Variants in PGCKA1 observed in about 807,000 individuals in gnomAD.
PGCKA1 encodes PDCD10 and GCKIII kinases-associated protein 1.
At chr4:37,590,304 G>A in the PGCKA1 span, 34 of 1,613,664 alleles carry the variant, frequency 2.1e-5, no homozygotes, top group African/African-American at 1.6e-4. Context: ...ACCAAGGGCC[G>A]CTCCCACAGG....
the PGCKA1 span, among the ~76,000 whole-genome samples, chr4:37,458,894 A>G: frequency 6.6e-5 from 10 of 152,200 alleles, no homozygotes; most frequent in African/African-American, 1.9e-4. Flanking sequence ...TAACTTGTCT[A>G]ACTTAATTCT....
the PGCKA1 span, among the ~76,000 whole-genome samples, chr4:37,547,616 G>T: frequency 6.6e-6 from 1 of 152,158 alleles, no homozygotes; most frequent in South Asian, 2.1e-4. Context: ...TTGTTTCAAA[G>T]GTATGACCCA....
the PGCKA1 span, among the ~76,000 whole-genome samples, chr4:37,464,633 C>T: frequency 6.6e-6 from 1 of 152,176 alleles, no homozygotes. Flanking sequence ...TCTCCTGGCT[C>T]CCCTCGTCTT....
chr4:37,481,610 G>A, the PGCKA1 span, among the ~76,000 whole-genome samples: 1 of 151,482 alleles, frequency 6.6e-6, no homozygotes, highest in South Asian at 2.1e-4. Context: ...CCCTCATACT[G>A]TGTGTTGTCT....
At chr4:37,567,907 G>A in the PGCKA1 span, among the ~76,000 whole-genome samples, 3 of 152,018 alleles carry the variant, frequency 2.0e-5, no homozygotes, top group African/African-American at 7.3e-5. Flanking sequence ...CACATGAAAT[G>A]TTTTTCAATC....
the PGCKA1 span, among the ~76,000 whole-genome samples, chr4:37,455,180 T>C: frequency 2.0e-5 from 3 of 152,188 alleles, no homozygotes; most frequent in Non-Finnish European, 4.4e-5. Flanking sequence ...AGAGTCTATA[T>C]TTGTTGCCTA....
the PGCKA1 span, among the ~76,000 whole-genome samples, chr4:37,555,967 C>T: frequency 1.3e-5 from 2 of 152,172 alleles, no homozygotes; most frequent in Non-Finnish European, 1.5e-5. Context: ...ATTTACTGCT[C>T]CCATCAGGCT....
At chr4:37,586,770 C>T in the PGCKA1 span, among the ~76,000 whole-genome samples, 70 of 152,134 alleles carry the variant, frequency 4.6e-4, no homozygotes, top group Admixed American at 1.1e-3. Flanking sequence ...GTTAGCTGGG[C>T]GTGTTGGCAG....
chr4:37,463,927 A>G, the PGCKA1 span, among the ~76,000 whole-genome samples: 2 of 152,172 alleles, frequency 1.3e-5, no homozygotes, highest in Non-Finnish European at 2.9e-5. Context: ...GCTAACAAAT[A>G]CAAACTCAAG....
At chr4:37,469,980 T>TA in the PGCKA1 span, among the ~76,000 whole-genome samples, 7 of 152,230 alleles carry the variant, frequency 4.6e-5, no homozygotes, top group Non-Finnish European at 1.0e-4. Context: ...CTTTGGGAGA[T>TA]ACAGTTTGTA....
At chr4:37,503,952 T>G in the PGCKA1 span, among the ~76,000 whole-genome samples, 1 of 152,234 alleles carries the variant, frequency 6.6e-6, no homozygotes, top group Non-Finnish European at 1.5e-5. Flanking sequence ...AAAAGCTTTT[T>G]AACTTAATGT....
chr4:37,542,372 A>G, the PGCKA1 span, among the ~76,000 whole-genome samples: 1 of 152,202 alleles, frequency 6.6e-6, no homozygotes, highest in African/African-American at 2.4e-5. Flanking sequence ...CTCCACTTGA[A>G]AAATAACATT....
the PGCKA1 span, among the ~76,000 whole-genome samples, chr4:37,494,114 C>G: frequency 1.4e-4 from 22 of 152,128 alleles, no homozygotes; most frequent in African/African-American, 5.3e-4. Flanking sequence ...CTGGATTGCA[C>G]GGTAGCTCTA....
At chr4:37,523,433 G>A in the PGCKA1 span, among the ~76,000 whole-genome samples, 2 of 151,726 alleles carry the variant, frequency 1.3e-5, no homozygotes, top group Non-Finnish European at 2.9e-5. Context: ...AGCAATGGAA[G>A]TTAAAACCAG....
At chr4:37,553,711 CGTT>C in the PGCKA1 span, among the ~76,000 whole-genome samples, 1 of 152,052 alleles carries the variant, frequency 6.6e-6, no homozygotes, top group Admixed American at 6.6e-5. Context: ...AAAATGTGAG[CGTT>C]GTTGTGTTAT....
chr4:37,546,543 A>T, the PGCKA1 span, among the ~76,000 whole-genome samples: 5 of 152,222 alleles, frequency 3.3e-5, no homozygotes, highest in Non-Finnish European at 4.4e-5. Flanking sequence ...CTTAAAAGGG[A>T]TAGAAATTGT....
the PGCKA1 span, among the ~76,000 whole-genome samples, chr4:37,569,922 G>A: frequency 6.6e-6 from 1 of 150,874 alleles, no homozygotes; most frequent in Non-Finnish European, 1.5e-5. Flanking sequence ...ACTGGCTATT[G>A]AGAATGCATG....
At chr4:37,538,232 G>A in the PGCKA1 span, among the ~76,000 whole-genome samples, 12 of 152,318 alleles carry the variant, frequency 7.9e-5, no homozygotes, top group Admixed American at 1.3e-4. Flanking sequence ...CACCACAGCC[G>A]CAGTGACTTG....
the PGCKA1 span, among the ~76,000 whole-genome samples, chr4:37,532,742 T>C: frequency 3.7e-3 from 561 of 152,318 alleles, 5 homozygotes; most frequent in African/African-American, 0.013. Flanking sequence ...TTTAATCCTG[T>C]TGTTTAAAAA....
Sources: gnomAD v4.1 joint callset for allele counts (sites outside exome capture counted in the v4.1 genomes callset) on GRCh38, gnomAD v4.1.1 for gene constraint, MANE v1.5 for transcripts, NCBI Gene and HGNC (gene_info 2026-07-23, HGNC 2026-07-21) for gene names.